Variants in SLCO5A1 observed in about 807,000 individuals in gnomAD.
SLCO5A1 encodes the protein solute carrier organic anion transporter family member 5A1, also known as organic anion transporter polypeptide-related protein 4.
SLCO5A1 carries 39 observed loss-of-function variants against 65.1 expected under a neutral mutation model. That is an observed-to-expected ratio of 0.60 (90% CI 0.46 to 0.78). The LOEUF (loss-of-function observed/expected upper bound fraction) is 0.78. Among genes scored for constraint, SLCO5A1 ranks in the 30% least tolerant of loss-of-function variants. The probability of loss-of-function intolerance (pLI) is 0.00; values close to 1 mark genes in which losing one functional copy is unlikely to be tolerated. For missense variants in SLCO5A1, 1,029 were observed against 1,069.4 expected (o/e 0.96, Z 0.53); for synonymous variants, 438 against 415.7 (o/e 1.05, Z -0.65).
At chr8:69,797,661 G>A (rs906271665) in intron 2 of SLCO5A1, among the ~76,000 whole-genome samples, 4 of 152,168 alleles carry the variant, frequency 2.6e-5, no homozygotes, top group African/African-American at 7.2e-5. Context: ...GAAGCTGTAG[G>A]GATGAAATAA....
rs190753990 is a variant in SLCO5A1 at position 69,769,618 on chromosome 8, T to A, written c.908-7743A>T. On this transcript the variant is annotated intron_variant, in intron 2 of 9. Coordinates refer to ENST00000260126, the MANE Select transcript of SLCO5A1 (RefSeq NM_030958.3). ...ACATATTAATTTTGTATAGATAACATACATACATTATTTAATACATGACAT... is the reference window on the plus strand; with the variant it reads ...ACATATTAATTTTGTATAGATAACAAACATACATTATTTAATACATGACAT... 7.9e-5 allele frequency among the ~76,000 whole-genome samples: 12 copies of A among 152,366 alleles called. No individual in the cohort carries two copies. In the East Asian group the frequency reaches 1.7e-3, roughly 22 times the overall value.
chr8:69,697,117 G>T (rs1243905457), intron 6 of SLCO5A1, among the ~76,000 whole-genome samples: 1 of 152,192 alleles, frequency 6.6e-6, no homozygotes, highest in Non-Finnish European at 1.5e-5. Flanking sequence ...GTCAGAAAGT[G>T]CCTAGTACAA....
intron 2 of SLCO5A1, among the ~76,000 whole-genome samples, chr8:69,826,862 G>A (rs1174101276): frequency 1.3e-5 from 2 of 151,990 alleles, no homozygotes; most frequent in African/African-American, 4.8e-5. Flanking sequence ...GTTTATTGTG[G>A]CACTATTCAC....
intron 2 of SLCO5A1, among the ~76,000 whole-genome samples, chr8:69,823,889 C>T (rs1360383291): frequency 2.6e-5 from 4 of 152,204 alleles, no homozygotes; most frequent in African/African-American, 9.7e-5. Context: ...AAGCACTCCT[C>T]AGCAAATGTA....
rs185205377 is a variant in SLCO5A1, at chr8:69,748,267, A to G, written c.1258+7157T>C. On this transcript the variant is annotated intron_variant, in intron 4 of 9. Coordinates refer to ENST00000260126, the MANE Select transcript of SLCO5A1 (RefSeq NM_030958.3). ...ATCATTAGTGGCTCCTGGCCACAGTACTACCTTGCTTGTTTAAATCAGCAC... is the reference window on the plus strand; with the variant it reads ...ATCATTAGTGGCTCCTGGCCACAGTGCTACCTTGCTTGTTTAAATCAGCAC... Among the ~76,000 whole-genome samples the G allele has an allele frequency of 6.9e-4, 105 of 152,304 alleles. 1 individual carries two copies. The highest frequency in any genetic ancestry group is 2.3e-3 in the African/African-American group (97 of 41,552).
intron 2 of SLCO5A1, among the ~76,000 whole-genome samples, chr8:69,763,515 G>T (rs1279795647): frequency 1.3e-5 from 2 of 149,814 alleles, no homozygotes; most frequent in African/African-American, 4.9e-5. Flanking sequence ...TGCTGGGTGG[G>T]AGGCTGAGGT....
intron 2 of SLCO5A1, among the ~76,000 whole-genome samples, chr8:69,828,607 AAAAAG>A (rs544333410): frequency 0.035 from 5,322 of 151,920 alleles, 128 homozygotes; most frequent in Non-Finnish European, 0.052. Context: ...TCTCAAAAAA[AAAAAG>A]AAAAGAAAAG....
rs117687197 is a variant in SLCO5A1, at chr8:69,687,321, G to A, written c.1623-4978C>T. ...GGAGAGTAAGACTAATCAACAAAGC[G>A]CAGTATGTCATAGCATATGTGCTAG... On this transcript the variant is annotated intron_variant, in intron 6 of 9. Coordinates refer to ENST00000260126, the MANE Select transcript of SLCO5A1 (RefSeq NM_030958.3). Among the ~76,000 whole-genome samples the A allele has an allele frequency of 6.2e-3, 938 of 152,202 alleles. 23 individuals carry two copies. Among genetic ancestry groups the A allele is most frequent in the Admixed American group, 0.043 (664 of 15,280 alleles).
chr8:69,748,871 C>A (rs1308894147), intron 4 of SLCO5A1, among the ~76,000 whole-genome samples: 1 of 152,014 alleles, frequency 6.6e-6, no homozygotes, highest in Non-Finnish European at 1.5e-5. Flanking sequence ...TTTTAGGGAG[C>A]CTTTGTGGTG....
rs570700093 is a variant in SLCO5A1, at chr8:69,717,921, A to G, written c.1424-12692T>C. On this transcript the variant is annotated intron_variant, in intron 5 of 9. Transcript: ENST00000260126. Reference sequence around the variant, plus strand: ...ACATACTTATCTTTTTTGTAGTGAGAACACACAAAATCTACTCTTAATTTT... The same window carrying G: ...ACATACTTATCTTTTTTGTAGTGAGGACACACAAAATCTACTCTTAATTTT... 3.3e-5 allele frequency among the ~76,000 whole-genome samples: 5 copies of G among 152,272 alleles called. No homozygotes were observed. The East Asian group carries it at 9.6e-4, about 29-fold the overall frequency.
chr8:69,784,202 T>C (rs1586795746), intron 2 of SLCO5A1, among the ~76,000 whole-genome samples: 1 of 152,148 alleles, frequency 6.6e-6, no homozygotes, highest in Non-Finnish European at 1.5e-5. Flanking sequence ...ATTCAATAAT[T>C]AGAAGATTAA....
intron 6 of SLCO5A1, among the ~76,000 whole-genome samples, chr8:69,698,283 T>A (rs1814584537): frequency 6.6e-6 from 1 of 152,218 alleles, no homozygotes; most frequent in African/African-American, 2.4e-5. Context: ...TGATTCCATG[T>A]ATTTGCTATT....
chr8:69,833,771 C>T (rs1401279478), intron 1 of SLCO5A1: 2 of 152,244 alleles, frequency 1.3e-5, no homozygotes, highest in African/African-American at 4.8e-5. Flanking sequence ...AAAAGGTCAA[C>T]ATGCTTGCCT....
chr8:69,707,202 T>C (rs1206731923), intron 5 of SLCO5A1, among the ~76,000 whole-genome samples: 1 of 152,092 alleles, frequency 6.6e-6, no homozygotes, highest in Non-Finnish European at 1.5e-5. Context: ...CCAAGAACCT[T>C]ACAATCTGAA....
chr8:69,798,368 C>T (rs1235813676), intron 2 of SLCO5A1, among the ~76,000 whole-genome samples: 1 of 152,128 alleles, frequency 6.6e-6, no homozygotes, highest in African/African-American at 2.4e-5. Context: ...TTAATTGGCT[C>T]ATGGTTCTAC....
chr8:69,782,151 G>A (rs1174743362), intron 2 of SLCO5A1, among the ~76,000 whole-genome samples: 1 of 151,954 alleles, frequency 6.6e-6, no homozygotes, highest in Non-Finnish European at 1.5e-5. Flanking sequence ...GTTGATGGGT[G>A]CAGCAAACCA....
At chr8:69,819,878 G>A (rs1201007428) in intron 2 of SLCO5A1, among the ~76,000 whole-genome samples, 1 of 152,092 alleles carries the variant, frequency 6.6e-6, no homozygotes, top group African/African-American at 2.4e-5. Flanking sequence ...CAGGAGAATC[G>A]CTTGAACCCG....
chr8:69,702,878 G>A (rs905825034), intron 6 of SLCO5A1, among the ~76,000 whole-genome samples: 1 of 152,120 alleles, frequency 6.6e-6, no homozygotes, highest in African/African-American at 2.4e-5. Context: ...GGAAGTGGGG[G>A]CAGGAGGATC....
chr8:69,745,341 C>T (rs922584662), intron 4 of SLCO5A1, among the ~76,000 whole-genome samples: 1 of 152,080 alleles, frequency 6.6e-6, no homozygotes, highest in Non-Finnish European at 1.5e-5. Flanking sequence ...TCCACACCAA[C>T]ATTTCTTTTA....
Sources: allele counts gnomAD v4.1 joint callset (sites outside exome capture counted in the v4.1 genomes callset), GRCh38; gene constraint gnomAD v4.1.1; transcripts MANE v1.5; gene names NCBI Gene and HGNC (gene_info 2026-07-23, HGNC 2026-07-21).